Variants in NCAM1 observed in about 807,000 individuals in gnomAD.
The protein encoded by NCAM1 is antigen recognized by monoclonal antibody 5.1H11.
A neutral mutation model predicts 109.8 loss-of-function variants in NCAM1; 14 were observed. That is an observed-to-expected ratio of 0.13 (90% confidence interval 0.08 to 0.20). The LOEUF is 0.20. Ranked by LOEUF, NCAM1 falls within the 10% of genes least tolerant of loss-of-function variation. The pLI is 1.00. For missense variants in NCAM1, 774 were observed against 1,109.9 expected, an observed-to-expected ratio of 0.70 and a Z score of 4.30; for synonymous variants, 418 against 442.9, an observed-to-expected ratio of 0.94 and a Z score of 0.70.
At chr11:113,223,713 A>G (rs1470990906) in intron 9 of NCAM1, among the ~76,000 whole-genome samples, 1 of 152,172 alleles carries the variant, frequency 6.6e-6, no homozygotes, top group Non-Finnish European at 1.5e-5. Context: ...CTGTGTCACA[A>G]AGAATTTTAG....
At chr11:113,102,103 T>C (rs1939902470) in intron 1 of NCAM1, among the ~76,000 whole-genome samples, 1 of 152,228 alleles carries the variant, frequency 6.6e-6, no homozygotes, top group African/African-American at 2.4e-5. Flanking sequence ...TTCAGAAGAT[T>C]GTAATAAACT....
At chr11:113,240,734 A>G in intron 14 of NCAM1, 2 of 1,560,506 alleles carry the variant, frequency 1.3e-6, no homozygotes, top group East Asian at 2.2e-5. Flanking sequence ...TTCATTCAGT[A>G]TCTGTGTGCC....
At chr11:113,171,922 C>T (rs909238119) in intron 1 of NCAM1, among the ~76,000 whole-genome samples, 3 of 152,058 alleles carry the variant, frequency 2.0e-5, no homozygotes, top group East Asian at 1.9e-4. Context: ...CCAGCATGAC[C>T]GGCATTCTTA....
intron 1 of NCAM1, among the ~76,000 whole-genome samples, chr11:113,080,345 T>C (rs1011358010): frequency 6.6e-6 from 1 of 152,188 alleles, no homozygotes; most frequent in Non-Finnish European, 1.5e-5. Flanking sequence ...TGTTTCCTGA[T>C]GAAAATTTAG....
At chr11:113,011,990 TCC>T (rs1952073052) in intron 1 of NCAM1, among the ~76,000 whole-genome samples, 1 of 148,316 alleles carries the variant, frequency 6.7e-6, no homozygotes, top group Non-Finnish European at 1.5e-5. Context: ...CTTCCTTCCT[TCC>T]TTCCTTCCTT....
rs530817808 is a variant in NCAM1, at chr11:112,991,498, G to A, written c.52+29834G>A. Among the ~76,000 whole-genome samples, 468 of 123,900 alleles carry A rather than the reference G, an allele frequency of 3.8e-3. 3 individuals carry two copies. The highest frequency in any genetic ancestry group is 0.013 in the African/African-American group (449 of 35,560). The allele number at this position is 123,900 out of a possible 152,430, so 81.3% of individuals were successfully genotyped here. A position where few individuals can be genotyped will look rare whatever the true frequency, so the allele number is the denominator to read the frequency against. ...TGCTGTTAAATTTTCTCTAGTGCAT[G>A]GCCTGAAAAGAAAAAAAAAAGTGAT... On this transcript the variant is annotated intron_variant, in intron 1 of 19. Coordinates refer to ENST00000316851, the MANE Select transcript of NCAM1 (RefSeq NM_181351.5).
chr11:113,014,161 G>A (rs1275047389), intron 1 of NCAM1, among the ~76,000 whole-genome samples: 1 of 152,048 alleles, frequency 6.6e-6, no homozygotes, highest in East Asian at 1.9e-4. Context: ...CATTTAAAAG[G>A]CATTTTGGGT....
At chr11:113,078,811 T>C (rs1296447983) in intron 1 of NCAM1, among the ~76,000 whole-genome samples, 1 of 152,194 alleles carries the variant, frequency 6.6e-6, no homozygotes, top group Non-Finnish European at 1.5e-5. Context: ...CATCCAATCT[T>C]CTAGGCTGTC....
At chr11:113,175,115 T>C (rs1273708010) in intron 1 of NCAM1, among the ~76,000 whole-genome samples, 7 of 152,200 alleles carry the variant, frequency 4.6e-5, no homozygotes, top group Admixed American at 6.5e-5. Context: ...AACTGAAGCC[T>C]TTGAATACTA....
chr11:112,979,943 A>G (rs1555068436), intron 1 of NCAM1, among the ~76,000 whole-genome samples: 2 of 151,796 alleles, frequency 1.3e-5, no homozygotes, highest in African/African-American at 2.4e-5. Context: ...AAATTCAGAA[A>G]ACACACTTGA....
chr11:113,181,689 GA>G (rs200191354), intron 1 of NCAM1, among the ~76,000 whole-genome samples: 3 of 149,046 alleles, frequency 2.0e-5, no homozygotes, highest in Middle Eastern at 3.4e-3. Flanking sequence ...AAATATTTAA[GA>G]AAAAAAAGAG....
chr11:113,072,993 T>C (rs1297946402), intron 1 of NCAM1, among the ~76,000 whole-genome samples: 1 of 152,128 alleles, frequency 6.6e-6, no homozygotes, highest in African/African-American at 2.4e-5. Context: ...ACCAAAACTC[T>C]ATACCCATTA....
At chr11:113,144,142 T>C (rs1191538885) in intron 1 of NCAM1, among the ~76,000 whole-genome samples, 3 of 152,144 alleles carry the variant, frequency 2.0e-5, no homozygotes, top group African/African-American at 7.2e-5. Flanking sequence ...GGGTGTCTGG[T>C]TTCTAATCTG....
At chr11:112,992,554 T>A (rs1951490566) in intron 1 of NCAM1, among the ~76,000 whole-genome samples, 2 of 150,042 alleles carry the variant, frequency 1.3e-5, no homozygotes, top group Non-Finnish European at 3.0e-5. Context: ...CAGGCTGGAG[T>A]GCAGTGGCGT....
intron 1 of NCAM1, among the ~76,000 whole-genome samples, chr11:113,077,247 T>A (rs953739893): frequency 3.3e-5 from 5 of 152,070 alleles, no homozygotes; most frequent in African/African-American, 4.8e-5. Context: ...GAGGGAGAAA[T>A]TACTAGTTTT....
intron 1 of NCAM1, among the ~76,000 whole-genome samples, chr11:113,061,769 A>G (rs1937657109): frequency 6.6e-6 from 1 of 152,238 alleles, no homozygotes; most frequent in African/African-American, 2.4e-5. Flanking sequence ...GCCCATGACA[A>G]TTAGTATTGA....
chr11:113,143,605 T>C (rs1941909552), intron 1 of NCAM1, among the ~76,000 whole-genome samples: 2 of 152,280 alleles, frequency 1.3e-5, no homozygotes, highest in Non-Finnish European at 2.9e-5. Context: ...TGGATTATAA[T>C]AGATTGAAAT....
At chr11:113,054,045 T>G (rs1953606677) in intron 1 of NCAM1, among the ~76,000 whole-genome samples, 1 of 152,160 alleles carries the variant, frequency 6.6e-6, no homozygotes, top group Non-Finnish European at 1.5e-5. Flanking sequence ...CTCTGTCACC[T>G]TAGGATAGAT....
chr11:113,207,892 G>T lies in NCAM1; in HGVS notation c.806G>T (p.Ser269Ile), dbSNP rs1555113141. The T allele has an allele frequency of 6.2e-7, 1 of 1,612,274 alleles. No homozygotes were observed. Residue 269 changes from serine (S) to isoleucine (I), a missense_variant, in exon 7 of 20, where the codon AGT becomes ATT. Physicochemically the swap from Ser to Ile is moderately radical, Grantham distance 142 (BLOSUM62 -2). Around this residue, in one of 4 missense-constraint regions of NCAM1, gnomAD observed 523 missense variants for 784.2 expected, o/e 0.67. Transcript: ENST00000316851. The stretch of plus-strand genomic sequence containing the variant: ...GAGAAGTACATCTTCAGCGACGATA[G>T]TTCCCAGCTGACCATCAAAAAGGTG... ...DDEKYIFSDD[S>I]SQLTIKKVDK...
Sources: allele counts gnomAD v4.1 joint callset (sites outside exome capture counted in the v4.1 genomes callset), GRCh38; gene constraint gnomAD v4.1.1; regional missense constraint gnomAD v4.1.1; transcripts MANE v1.5; gene names NCBI Gene and HGNC (gene_info 2026-07-23, HGNC 2026-07-21).